The following C1orf226 variants were observed in gnomAD, a reference collection of about 807,000 sequenced individuals.
The protein encoded by C1orf226 is uncharacterized protein C1orf226.
In C1orf226, 4 loss-of-function variants were observed where a neutral mutation model predicts 10.5. The ratio of observed to expected loss-of-function variants is 0.38; its 90% CI spans 0.19 to 0.87. The LOEUF (loss-of-function observed/expected upper bound fraction) is 0.87. C1orf226 is among the 40% of genes least tolerant of loss of function. The probability of loss-of-function intolerance (pLI) is 0.41; values close to 1 mark genes in which losing one functional copy is unlikely to be tolerated. For missense variants in C1orf226, 313 were observed against 336.2 expected (o/e 0.93, Z 0.54); for synonymous variants, 125 against 139.3 (o/e 0.90, Z 0.72).
Position 162,382,177 on chromosome 1 carries a change from T to C in C1orf226, c.276T>C (p.Ser92=). The C allele has an allele frequency of 1.3e-6, 2 of 1,587,828 alleles. No homozygotes were observed. The highest frequency in any genetic ancestry group is 1.7e-6 in the Non-Finnish European group (2 of 1,167,288). ...AGACTGCAGGAGCACAGCTGGCCAGTGGGACTGACGCGGCTCCAGAGGCTT... is the reference window on the plus strand; with the variant it reads ...AGACTGCAGGAGCACAGCTGGCCAGCGGGACTGACGCGGCTCCAGAGGCTT... ...INKTAGAQLA[S]GTDAAPEAWL... The change falls in exon 1 of 2, where the codon AGT becomes AGC. Residue 92 remains serine (S), a synonymous_variant. Coordinates refer to ENST00000458626, the MANE Select transcript of C1orf226 (RefSeq NM_001085375.2).
Position 162,381,745 on chromosome 1 carries a change from A to G in C1orf226, c.-157A>G, listed in dbSNP as rs1372213847. 5 of 1,461,646 alleles carry G rather than the reference A, an allele frequency of 3.4e-6. No individual in the cohort carries two copies. The allele number at this position is 1,461,646 out of a possible 1,614,324, so 90.5% of individuals were successfully genotyped here. A position where few individuals can be genotyped will look rare whatever the true frequency, so the allele number is the denominator to read the frequency against. ...AGAAAACTACACTGGAAAGTTCAAG[A>G]GTGTCTTTGCTGGCTCTTTCTTGAA... On this transcript the variant is annotated 5_prime_UTR_variant, in exon 1 of 2. Transcript: ENST00000458626.
upstream of C1orf226, chr1:162,379,181 A>G: frequency 3.3e-6 from 2 of 598,494 alleles, no homozygotes; most frequent in Non-Finnish European, 6.1e-6. Flanking sequence ...TTTCTGAACC[A>G]TCAAGCCTCT....
Position 162,382,172 on chromosome 1 carries a change from G to A in C1orf226, c.271G>A (p.Ala91Thr). ...CAACAAGACTGCAGGAGCACAGCTG[G>A]CCAGTGGGACTGACGCGGCTCCAGA... ...EINKTAGAQLASGTDAAPEAW... is the reference protein window; with the variant it reads ...EINKTAGAQLTSGTDAAPEAW... The change falls in exon 1 of 2, where the codon GCC becomes ACC. Residue 91 changes from alanine to threonine, a missense_variant. Ala to Thr is a moderately conservative substitution (Grantham distance 58, BLOSUM62 0). Coordinates refer to ENST00000458626, the MANE Select transcript of C1orf226 (RefSeq NM_001085375.2). 6.3e-7 allele frequency: 1 copy of A among 1,588,966 alleles called. No homozygotes were observed. Among genetic ancestry groups the A allele is most frequent in the South Asian group, 1.2e-5 (1 of 86,900 alleles).
upstream of C1orf226, among the ~76,000 whole-genome samples, chr1:162,379,524 A>G (rs1647844572): frequency 6.6e-6 from 1 of 152,234 alleles, no homozygotes; most frequent in South Asian, 2.1e-4. Context: ...CAAGACCCTA[A>G]GCTGGGCATT....
rs1400374643 is a variant in C1orf226 at position 162,384,607 on chromosome 1, G to A, written c.*924G>A. On this transcript the variant is annotated 3_prime_UTR_variant, in exon 2 of 2. Transcript: ENST00000458626. ...AAACCCAGAGCAGAAGCAGGGAGAA[G>A]GGAGTGAGGATGGGACAGAGAAGAG... The A allele has an allele frequency of 6.5e-6, 1 of 152,852 alleles. No individual in the cohort carries two copies. The highest frequency in any genetic ancestry group is 2.4e-5 in the African/African-American group (1 of 41,446). 9.5% of individuals were successfully genotyped at this position (152,852 alleles called of 1,614,324 possible). A position where few individuals can be genotyped will look rare whatever the true frequency, so the allele number is the denominator to read the frequency against.
upstream of C1orf226, chr1:162,379,068 C>A: frequency 1.5e-6 from 2 of 1,350,572 alleles, no homozygotes; most frequent in Non-Finnish European, 2.1e-6. Flanking sequence ...GACTTACATC[C>A]CCAGATGCCC....
chr1:162,381,865 C>G lies in C1orf226; in HGVS notation c.-37C>G, dbSNP rs764769600. On this transcript the variant is annotated 5_prime_UTR_variant, in exon 1 of 2. Coordinates refer to ENST00000458626, the MANE Select transcript of C1orf226 (RefSeq NM_001085375.2). ...GTACCGCTCCCCTTTCCTCATCATGCCTCTCTGTCGCCTCTTTGTTCATAG... is the reference window on the plus strand; with the variant it reads ...GTACCGCTCCCCTTTCCTCATCATGGCTCTCTGTCGCCTCTTTGTTCATAG... 1 of 1,607,702 alleles carries G rather than the reference C, an allele frequency of 6.2e-7. No individual in the cohort carries two copies. Among genetic ancestry groups the G allele is most frequent in the Non-Finnish European group, 8.5e-7 (1 of 1,178,626 alleles).
rs1331970400 is a variant in C1orf226 at position 162,383,704 on chromosome 1, G to C, written c.*21G>C. 1.3e-6 allele frequency: 2 copies of C among 1,566,738 alleles called. No homozygotes were observed. Among genetic ancestry groups the C allele is most frequent in the African/African-American group, 2.7e-5 (2 of 74,124 alleles). ...AATAGAGCCTCTGCTCTTTCCTGCT[G>C]AGCTCTGCCCTTGTCTTCCTGCTGC... On this transcript the variant is annotated 3_prime_UTR_variant, in exon 2 of 2. Transcript: ENST00000458626.
At chr1:162,380,617 A>G (rs530945078), upstream of C1orf226, among the ~76,000 whole-genome samples, 128 of 152,332 alleles carry the variant, frequency 8.4e-4, 1 homozygote, top group African/African-American at 2.9e-3. Flanking sequence ...GACTGACAAC[A>G]TATCTGGGGT....
In C1orf226 at chr1:162,382,189, G is replaced by A. The variant is rs771714599; in HGVS notation, c.288G>A (p.Ala96=). The A allele has an allele frequency of 8.2e-6, 13 of 1,580,944 alleles. No homozygotes were observed. Among genetic ancestry groups the A allele is most frequent in the Admixed American group, 7.2e-5 (4 of 55,226 alleles). ...AGAQLASGTD[A]APEAWLEDER... The stretch of plus-strand genomic sequence containing the variant: ...CACAGCTGGCCAGTGGGACTGACGC[G>A]GCTCCAGAGGCTTGGCTAGAGGATG... Residue 96 remains alanine (A), a synonymous_variant, in exon 1 of 2, where the codon GCG becomes GCA. Coordinates refer to ENST00000458626, the MANE Select transcript of C1orf226 (RefSeq NM_001085375.2).
chr1:162,383,953 T>C lies in C1orf226; in HGVS notation c.*270T>C. 1 of 472,608 alleles carries C rather than the reference T, an allele frequency of 2.1e-6. No individual in the cohort carries two copies. Among genetic ancestry groups the C allele is most frequent in the East Asian group, 3.5e-5 (1 of 28,546 alleles). The allele number at this position is 472,608 out of a possible 1,614,324, so 29.3% of individuals were successfully genotyped here. On this transcript the variant is annotated 3_prime_UTR_variant, in exon 2 of 2. Coordinates refer to ENST00000458626, the MANE Select transcript of C1orf226 (RefSeq NM_001085375.2). ...ACCTCCTCTGAGTGGGCTGCAGCCC[T>C]TGGACATTAGAGCTCTTCCACTCTT...
chr1:162,381,304 C>T (rs181107706), upstream of C1orf226, among the ~76,000 whole-genome samples: 50 of 152,294 alleles, frequency 3.3e-4, no homozygotes, highest in Non-Finnish European at 5.9e-4. Context: ...CCATTTGGTA[C>T]GAACTGATTC....
chr1:162,382,204 G>A lies in C1orf226; in HGVS notation c.303G>A (p.Trp101Ter), dbSNP rs1028088717. Reference protein sequence around the residue: ...ASGTDAAPEAWLEDERSVLQE... With the variant: ...ASGTDAAPEA ...GGACTGACGCGGCTCCAGAGGCTTG[G>A]CTAGAGGATGAAAGGTGAGCCCCTC... Residue 101 changes from tryptophan (W) to a stop codon, truncating the protein, a stop_gained, in exon 1 of 2, where the codon TGG (tryptophan) becomes TGA (stop). Transcript: ENST00000458626. LOFTEE classifies it high-confidence loss of function. The A allele has an allele frequency of 1.9e-6, 3 of 1,570,862 alleles. No individual in the cohort carries two copies. Among genetic ancestry groups the A allele is most frequent in the Non-Finnish European group, 2.6e-6 (3 of 1,159,472 alleles).
intron 1 of C1orf226, 73 bp downstream of exon 1, chr1:162,382,291 G>C (rs1479648068): frequency 6.7e-7 from 1 of 1,503,218 alleles, no homozygotes; most frequent in East Asian, 2.5e-5. Flanking sequence ...ACAAACTGCA[G>C]TGTCTGCACA....
rs1647927699 is a variant in C1orf226 at position 162,381,916 on chromosome 1, G to A, written c.15G>A (p.Leu5=). ...TTGACCACGGCATGTTTGAGAATTT[G>A]AACACAGCCCTCACTCCAAAGCTCC... MFEN[L]NTALTPKLQA... is the part of the protein sequence containing the mutation. Residue 5 remains leucine (L), a synonymous_variant, in exon 1 of 2, where the codon TTG becomes TTA. Transcript: ENST00000458626. 1.2e-6 allele frequency: 2 copies of A among 1,612,670 alleles called. No homozygotes were observed. The highest frequency in any genetic ancestry group is 1.7e-6 in the Non-Finnish European group (2 of 1,179,862).
chr1:162,383,636 A>G lies in C1orf226; in HGVS notation c.772A>G (p.Ser258Gly). The G allele has an allele frequency of 6.2e-7, 1 of 1,609,764 alleles. No individual in the cohort carries two copies. The highest frequency in any genetic ancestry group is 8.5e-7 in the Non-Finnish European group (1 of 1,178,208). Residue 258 changes from serine to glycine, a missense_variant, in exon 2 of 2, where the codon AGC becomes GGC. Ser to Gly is a moderately conservative substitution (Grantham distance 56). Transcript: ENST00000458626. ...CCCCCCTCCTCAGGCACGGACCTCC[A>G]GCCTCGACAATGAGGGCCCTCACCC... ...GSPPPQARTS[S>G]LDNEGPHPDL...
At position 162,383,455 on chromosome 1, in the gene C1orf226, G is replaced by A; in HGVS notation, c.591G>A (p.Leu197=). The change falls in exon 2 of 2, where the codon CTG becomes CTA. Residue 197 remains leucine, a synonymous_variant. Transcript: ENST00000458626. The stretch of plus-strand genomic sequence containing the variant: ...TTCTGCCCAATGGAGAGGTTTCCCT[G>A]TCAGTACCTGACCTAATCCACAAGG... ...GKVLPNGEVS[L]SVPDLIHKDS... 6.3e-7 allele frequency: 1 copy of A among 1,591,110 alleles called. No individual in the cohort carries two copies. The highest frequency in any genetic ancestry group is 8.6e-7 in the Non-Finnish European group (1 of 1,168,200).
chr1:162,383,977 T>A lies in C1orf226; in HGVS notation c.*294T>A. ...CTTGGACATTAGAGCTCTTCCACTC[T>A]TGAGCTTGTCCTGTCTTCTCAGTGA... On this transcript the variant is annotated 3_prime_UTR_variant, in exon 2 of 2. Coordinates refer to ENST00000458626, the MANE Select transcript of C1orf226 (RefSeq NM_001085375.2). 2.5e-6 allele frequency: 1 copy of A among 399,140 alleles called. No individual in the cohort carries two copies. The allele number at this position is 399,140 out of a possible 1,614,324, so 24.7% of individuals were successfully genotyped here. A position where few individuals can be genotyped will look rare whatever the true frequency, so the allele number is the denominator to read the frequency against.
chr1:162,379,543 TAAAG>T (rs1647845087), upstream of C1orf226, among the ~76,000 whole-genome samples: 2 of 152,200 alleles, frequency 1.3e-5, no homozygotes, highest in Admixed American at 6.5e-5. Flanking sequence ...TTGTAGAAGA[TAAAG>T]AAACACTTCA....
Sources: allele counts gnomAD v4.1 joint callset (sites outside exome capture counted in the v4.1 genomes callset), GRCh38; gene constraint gnomAD v4.1.1; transcripts MANE v1.5; gene names NCBI Gene and HGNC (gene_info 2026-07-23, HGNC 2026-07-21).